The following NSUN6 variants were observed in gnomAD, a reference collection of about 807,000 sequenced individuals.
The protein encoded by NSUN6 is tRNA (cytosine(72)-C(5))-methyltransferase NSUN6.
NSUN6 carries 64 observed loss-of-function variants against 58.0 expected under a neutral mutation model. That is an observed-to-expected ratio of 1.10 (90% confidence interval 0.90 to 1.36). The LOEUF (loss-of-function observed/expected upper bound fraction) is 1.36, where lower values mean the gene tolerates loss of function less well. NSUN6 is among the 40% of genes most tolerant of loss of function. NSUN6 has a pLI of 0.00. For synonymous variants in NSUN6, 231 were observed against 193.9 expected (o/e 1.19, Z -1.59); for missense variants, 701 against 550.1 (o/e 1.27, Z -2.74).
rs1653746417 is a variant in NSUN6 at position 18,551,812 on chromosome 10, C to G, written c.1071+11G>C. The G allele has an allele frequency of 6.2e-7, 1 of 1,604,946 alleles. No individual in the cohort carries two copies. The highest frequency in any genetic ancestry group is 1.3e-5 in the African/African-American group (1 of 74,630). ...GTTAACTTTGTTTCACAAAAACAGA[C>G]CACCACATACTGCAGTGAAGAGTTT... On this transcript the variant is annotated intron_variant, in intron 9 of 10. Coordinates refer to ENST00000377304, the MANE Select transcript of NSUN6 (RefSeq NM_182543.5).
chr10:18,580,377 C>G (rs2056850931), intron 8 of NSUN6, among the ~76,000 whole-genome samples: 1 of 152,190 alleles, frequency 6.6e-6, no homozygotes, highest in Admixed American at 6.5e-5. Flanking sequence ...GACTCCCTCT[C>G]TCCTTAAGCT....
chr10:18,594,115 G>A (rs947022633), intron 7 of NSUN6, among the ~76,000 whole-genome samples: 24 of 150,974 alleles, frequency 1.6e-4, no homozygotes, highest in African/African-American at 5.4e-4. Context: ...CATGAGAATC[G>A]CTCAAACCCG....
At chr10:18,650,002 TACTC>T (rs2059657033) in intron 1 of NSUN6, among the ~76,000 whole-genome samples, 1 of 152,316 alleles carries the variant, frequency 6.6e-6, no homozygotes, top group East Asian at 1.9e-4. Flanking sequence ...TAAGTGGTGT[TACTC>T]TAACTAAGAA....
chr10:18,606,188 T>G (rs1175167756), intron 6 of NSUN6, among the ~76,000 whole-genome samples: 1 of 152,130 alleles, frequency 6.6e-6, no homozygotes, highest in Non-Finnish European at 1.5e-5. Flanking sequence ...CACTTAAAAG[T>G]GCAAAATACA....
intron 3 of NSUN6, among the ~76,000 whole-genome samples, chr10:18,620,379 G>A (rs1011945973): frequency 5.3e-5 from 8 of 152,000 alleles, no homozygotes; most frequent in East Asian, 1.9e-4. Context: ...GAGCCACTGC[G>A]CCCGACAATA....
chr10:18,628,113 C>T (rs1765059287), intron 3 of NSUN6, among the ~76,000 whole-genome samples: 1 of 152,186 alleles, frequency 6.6e-6, no homozygotes, highest in African/African-American at 2.4e-5. Context: ...CCCTGAGCAG[C>T]CTAACTGGGA....
chr10:18,563,940 A>G (rs185090299), intron 8 of NSUN6, among the ~76,000 whole-genome samples: 1 of 147,674 alleles, frequency 6.8e-6, no homozygotes. Flanking sequence ...GTCATTCTTC[A>G]CTCCATTCCA....
intron 8 of NSUN6, among the ~76,000 whole-genome samples, chr10:18,558,680 G>T (rs1252762088): frequency 1.4e-5 from 2 of 148,080 alleles, no homozygotes; most frequent in African/African-American, 2.5e-5. Context: ...AAATGGAAAA[G>T]AATGGAATGG....
At chr10:18,630,414 C>G (rs957805533) in intron 3 of NSUN6, among the ~76,000 whole-genome samples, 3 of 151,668 alleles carry the variant, frequency 2.0e-5, no homozygotes, top group African/African-American at 7.3e-5. Context: ...CAGAGCAGAA[C>G]TGAAGGAAAT....
chr10:18,584,014 C>T (rs1245237956), intron 8 of NSUN6, among the ~76,000 whole-genome samples: 1 of 152,168 alleles, frequency 6.6e-6, no homozygotes. Flanking sequence ...CTAACTAAGC[C>T]TCCAAGACAG....
intron 4 of NSUN6, among the ~76,000 whole-genome samples, chr10:18,615,013 A>G (rs1423891596): frequency 1.3e-5 from 2 of 151,976 alleles, no homozygotes; most frequent in East Asian, 3.9e-4. Context: ...CTTCAAAGAA[A>G]TATTTCTAAA....
chr10:18,644,530 A>C (rs1461747077), intron 2 of NSUN6, among the ~76,000 whole-genome samples: 1 of 149,214 alleles, frequency 6.7e-6, no homozygotes, highest in African/African-American at 2.5e-5. Context: ...AAGTGCTTAC[A>C]TATGAGTAAG....
chr10:18,650,034 AAAAC>A (rs1460957206), intron 1 of NSUN6, among the ~76,000 whole-genome samples: 1 of 152,244 alleles, frequency 6.6e-6, no homozygotes, highest in Non-Finnish European at 1.5e-5. Flanking sequence ...GATTTCAAAA[AAAAC>A]AAAGTTGCTT....
chr10:18,554,649 G>C (rs1413286146), intron 8 of NSUN6, among the ~76,000 whole-genome samples: 2 of 150,618 alleles, frequency 1.3e-5, no homozygotes, highest in Non-Finnish European at 3.0e-5. Flanking sequence ...GAATGTAACA[G>C]ATGGAGAATG....
At chr10:18,597,081 A>C (rs2057618937) in intron 6 of NSUN6, among the ~76,000 whole-genome samples, 1 of 152,146 alleles carries the variant, frequency 6.6e-6, no homozygotes, top group South Asian at 2.1e-4. Context: ...AACAACAAAA[A>C]ACCTCAAACC....
chr10:18,582,669 A>G (rs998431376), intron 8 of NSUN6, among the ~76,000 whole-genome samples: 8 of 152,162 alleles, frequency 5.3e-5, no homozygotes, highest in Non-Finnish European at 5.9e-5. Context: ...ATCTGCAATT[A>G]GTGGAGGGTA....
At chr10:18,652,097 A>G, upstream of NSUN6, 1 of 985,342 alleles carries the variant, frequency 1.0e-6, no homozygotes, top group South Asian at 4.7e-5. Flanking sequence ...TGGTCTGTTA[A>G]TATCCAATGC....
At chr10:18,636,202 G>C (rs2059208844) in intron 3 of NSUN6, among the ~76,000 whole-genome samples, 1 of 151,930 alleles carries the variant, frequency 6.6e-6, no homozygotes, top group African/African-American at 2.4e-5. Context: ...CAAAGGGCAG[G>C]GGGTGCGGGA....
intron 1 of NSUN6, among the ~76,000 whole-genome samples, chr10:18,650,595 A>C (rs964399181): frequency 2.0e-5 from 3 of 152,224 alleles, no homozygotes; most frequent in African/African-American, 7.2e-5. Flanking sequence ...CTTTCCCTCC[A>C]GATTTCAATA....
Sources: gnomAD v4.1 joint callset for allele counts (sites outside exome capture counted in the v4.1 genomes callset) on GRCh38, gnomAD v4.1.1 for gene constraint, MANE v1.5 for transcripts, NCBI Gene and HGNC (gene_info 2026-07-23, HGNC 2026-07-21) for gene names.